ABCC1: variants seen among roughly 807,000 people sequenced by gnomAD.
ABCC1 encodes multidrug resistance-associated protein 1.
In ABCC1, 83 loss-of-function variants were observed where a neutral mutation model predicts 172.9. The ratio of observed to expected loss-of-function variants is 0.48; its 90% confidence interval spans 0.40 to 0.58. The LOEUF (loss-of-function observed/expected upper bound fraction) is 0.58, where lower values mean the gene tolerates loss of function less well. Among genes scored for constraint, ABCC1 ranks in the 20% least tolerant of loss-of-function variants. The pLI, the probability that ABCC1 is intolerant of heterozygous loss-of-function variation, is 0.00. For missense variants in ABCC1, 1,817 were observed against 2,002.7 expected, an observed-to-expected ratio of 0.91 and a Z score of 1.77; for synonymous variants, 937 against 825.2, an observed-to-expected ratio of 1.14 and a Z score of -2.32.
chr16:16,106,952 CCTT>C, intron 21 of ABCC1, 79 bp downstream of exon 21: 1 of 1,573,450 alleles, frequency 6.4e-7, no homozygotes, highest in East Asian at 2.3e-5. Flanking sequence ...GTGCAAAGTG[CCTT>C]GTCTATGTTA....
chr16:16,084,369 CTT>C (rs1315644780), intron 17 of ABCC1, among the ~76,000 whole-genome samples: 3 of 128,680 alleles, frequency 2.3e-5, no homozygotes, highest in East Asian at 2.3e-4. Flanking sequence ...TCTCAAAGTT[CTT>C]TTTTTTTTTT....
chr16:16,040,064 T>TTGTTTGTATGTA (rs1555487637), intron 7 of ABCC1, among the ~76,000 whole-genome samples: 1 of 134,780 alleles, frequency 7.4e-6, no homozygotes. Flanking sequence ...GTTTGTTTGT[T>TTGTTTGTATGTA]TGTATGTATG....
At position 16,008,002 on chromosome 16, in the gene ABCC1, T is replaced by TG. The variant is rs754032111; in HGVS notation, c.225+16dup. On this transcript the variant is annotated intron_variant, in intron 2 of 30. Coordinates refer to ENST00000399410, the MANE Select transcript of ABCC1 (RefSeq NM_004996.4). ...CAACAAAACCAAAACTGTAAGTCACTGGGGGGTTTCGTTGTGGGGGGTGGG... is the reference window on the plus strand; with the variant it reads ...CAACAAAACCAAAACTGTAAGTCACTGGGGGGGTTTCGTTGTGGGGGGTGGG... 1.3e-3 allele frequency: 777 copies of TG among 578,084 alleles called. No individual in the cohort carries two copies. The highest frequency in any genetic ancestry group is 2.1e-3 in the Non-Finnish European group (723 of 344,586). 35.8% of individuals were successfully genotyped at this position (578,084 alleles called of 1,614,324 possible). A position where few individuals can be genotyped will look rare whatever the true frequency, so the allele number is the denominator to read the frequency against.
chr16:16,115,949 C>G (rs2044843663), intron 23 of ABCC1, among the ~76,000 whole-genome samples: 1 of 151,490 alleles, frequency 6.6e-6, no homozygotes, highest in South Asian at 2.1e-4. Flanking sequence ...GTCGCCCAGG[C>G]TGGAGTGCAG....
At chr16:16,004,676 T>TTTGG (rs1182531482) in intron 1 of ABCC1, among the ~76,000 whole-genome samples, 2 of 126,768 alleles carry the variant, frequency 1.6e-5, no homozygotes, top group African/African-American at 5.6e-5. Flanking sequence ...TTTTTTTTTT[T>TTTGG]GAGATGGAGA....
At chr16:16,051,576 G>A (rs2049430718) in intron 10 of ABCC1, among the ~76,000 whole-genome samples, 1 of 152,124 alleles carries the variant, frequency 6.6e-6, no homozygotes, top group African/African-American at 2.4e-5. Context: ...CCCCAGCAGA[G>A]TCACAGGTTC....
chr16:16,043,199 G>C (rs1226019909), intron 7 of ABCC1, among the ~76,000 whole-genome samples: 2 of 138,270 alleles, frequency 1.4e-5, no homozygotes, highest in African/African-American at 5.7e-5. Flanking sequence ...GGGTCTTGCT[G>C]TGTTGCTCTG....
intron 5 of ABCC1, among the ~76,000 whole-genome samples, chr16:16,025,423 T>A (rs1319908759): frequency 6.6e-6 from 1 of 152,162 alleles, no homozygotes; most frequent in Admixed American, 6.5e-5. Context: ...CATCTGCGGT[T>A]CCCAACAAGT....
rs199698664 is a variant in ABCC1, at chr16:16,115,003, T to C, written c.3317T>C (p.Ile1106Thr). The C allele has an allele frequency of 2.3e-4, 375 of 1,614,088 alleles. No individual in the cohort carries two copies. Among genetic ancestry groups the C allele is most frequent in the Non-Finnish European group, 3.0e-4 (354 of 1,180,044 alleles). ...GSLFNVIGAC[I>T]VILLATPIAA... Reference sequence around the variant, plus strand: ...CTGTTCAACGTCATTGGTGCCTGCATCGTTATCCTGCTGGCCACGCCCATC... The same window carrying C: ...CTGTTCAACGTCATTGGTGCCTGCACCGTTATCCTGCTGGCCACGCCCATC... The change falls in exon 23 of 31, where the codon ATC becomes ACC. Residue 1106 changes from isoleucine (I) to threonine (T), a missense_variant. This residue lies in a region of ABCC1 where 1,412 missense variants were observed against 1,600.3 expected (regional missense o/e 0.88). Transcript: ENST00000399410.
chr16:16,103,888 T>C (rs949291327), intron 20 of ABCC1, among the ~76,000 whole-genome samples: 5 of 152,166 alleles, frequency 3.3e-5, no homozygotes, highest in Non-Finnish European at 7.3e-5. Context: ...CGGTGAGTGT[T>C]ACAGTTCTTA....
chr16:15,961,593 G>A (rs1316423541), intron 1 of ABCC1, among the ~76,000 whole-genome samples: 1 of 152,124 alleles, frequency 6.6e-6, no homozygotes, highest in East Asian at 1.9e-4. Flanking sequence ...TCAAGTATAT[G>A]CAAATGTATG....
intron 5 of ABCC1, among the ~76,000 whole-genome samples, chr16:16,024,135 C>G (rs1157886810): frequency 6.6e-6 from 1 of 152,168 alleles, no homozygotes; most frequent in Non-Finnish European, 1.5e-5. Context: ...AGGAGAATTG[C>G]TTGAACCCGG....
intron 1 of ABCC1, among the ~76,000 whole-genome samples, chr16:15,955,119 G>A (rs1363071184): frequency 4.6e-5 from 7 of 152,176 alleles, no homozygotes; most frequent in Non-Finnish European, 7.4e-5. Context: ...ACTTCGGGAG[G>A]CCAAGGCAGA....
chr16:15,965,285 C>CT (rs1337477385), intron 1 of ABCC1, among the ~76,000 whole-genome samples: 3,515 of 145,144 alleles, frequency 0.024, 145 homozygotes, highest in African/African-American at 0.082. Flanking sequence ...TTTCTTTCTC[C>CT]TTTTTTTTTT....
At chr16:16,078,913 G>T (rs532952975) in intron 15 of ABCC1, among the ~76,000 whole-genome samples, 1 of 152,140 alleles carries the variant, frequency 6.6e-6, no homozygotes, top group Non-Finnish European at 1.5e-5. Flanking sequence ...TCCTGACCTC[G>T]TGATCCGCCT....
At chr16:16,136,766 C>A in intron 29 of ABCC1, 122 bp downstream of exon 29, 1 of 1,159,350 alleles carries the variant, frequency 8.6e-7, no homozygotes, top group Non-Finnish European at 1.2e-6. Flanking sequence ...GACCATTTGT[C>A]CCTTCACCTC....
chr16:15,949,795 T>A lies in ABCC1; in HGVS notation c.44T>A (p.Leu15His), dbSNP rs2045822102. Residue 15 changes from leucine (L) to histidine (H), a missense_variant, in exon 1 of 31, where the codon CTC becomes CAC. Transcript: ENST00000399410. ...TGCAGCGCCGATGGCTCCGACCCGC[T>A]CTGGGTACGTGCCGGGGGCCGCGTG... The part of the protein sequence containing the change: ...GFCSADGSDP[L>H]WDWNVTWNTS... 4.2e-6 allele frequency: 5 copies of A among 1,194,994 alleles called. No individual in the cohort carries two copies. Among genetic ancestry groups the A allele is most frequent in the Non-Finnish European group, 5.2e-6 (5 of 964,326 alleles). The allele number at this position is 1,194,994 out of a possible 1,614,324, so 74.0% of individuals were successfully genotyped here. A position where few individuals can be genotyped will look rare whatever the true frequency, so the allele number is the denominator to read the frequency against.
chr16:16,077,415 CTG>C (rs2050619627), intron 15 of ABCC1, among the ~76,000 whole-genome samples: 1 of 152,228 alleles, frequency 6.6e-6, no homozygotes, highest in African/African-American at 2.4e-5. Context: ...CACAACTAAT[CTG>C]TATCTGTGTC....
intron 23 of ABCC1, among the ~76,000 whole-genome samples, chr16:16,121,670 G>A (rs1217894131): frequency 6.6e-6 from 1 of 152,178 alleles, no homozygotes; most frequent in Non-Finnish European, 1.5e-5. Flanking sequence ...ATCACATATA[G>A]GAATGAGCAC....
Sources: allele counts gnomAD v4.1 joint callset (sites outside exome capture counted in the v4.1 genomes callset), GRCh38; gene constraint gnomAD v4.1.1; regional missense constraint gnomAD v4.1.1; transcripts MANE v1.5; gene names NCBI Gene and HGNC (gene_info 2026-07-23, HGNC 2026-07-21).